NSD3: variants seen among roughly 807,000 people sequenced by gnomAD.
The protein encoded by NSD3 is nuclear receptor binding SET domain protein 3.
In NSD3, 24 loss-of-function variants were observed where a neutral mutation model predicts 160.8. The observed-to-expected ratio is 0.15, with a 90% CI of 0.11 to 0.21. The LOEUF is 0.21. Among genes scored for constraint, NSD3 ranks in the 10% least tolerant of loss-of-function variants. The pLI is 1.00. For missense variants in NSD3, 1,157 were observed against 1,735.9 expected (o/e 0.67, Z 5.93); for synonymous variants, 520 against 600.0 (o/e 0.87, Z 1.95).
chr8:38,332,811 T>TA (rs927686218), intron 4 of NSD3, among the ~76,000 whole-genome samples: 16 of 150,444 alleles, frequency 1.1e-4, no homozygotes, highest in South Asian at 6.3e-4. Context: ...TTGAAAAAAG[T>TA]AAAAAAAAAC....
chr8:38,373,922 ACT>A (rs1196938057), intron 1 of NSD3, among the ~76,000 whole-genome samples: 1 of 134,100 alleles, frequency 7.5e-6, no homozygotes, highest in African/African-American at 2.9e-5. Flanking sequence ...ACTTGGCAAA[ACT>A]CTGTCTCTAC....
chr8:38,270,195 A>G lies in NSD3; in HGVS notation c.*5446T>C, dbSNP rs186317728. On this transcript the variant is annotated 3_prime_UTR_variant, in exon 24 of 24. Transcript: ENST00000317025. ...AACTCAAAAGAGATTGACTTTAGTG[A>G]ATATTGATGCTTTGTTATTAAAGAC... is the stretch of plus-strand genomic sequence containing the variant. 6.6e-6 allele frequency: 1 copy of G among 152,370 alleles called. No individual in the cohort carries two copies. Among genetic ancestry groups the G allele is most frequent in the East Asian group, 1.9e-4 (1 of 5,190 alleles). 9.4% of individuals were successfully genotyped at this position (152,370 alleles called of 1,614,324 possible). A position where few individuals can be genotyped will look rare whatever the true frequency, so the allele number is the denominator to read the frequency against.
At chr8:38,335,031 C>T (rs1451705962) in intron 4 of NSD3, among the ~76,000 whole-genome samples, 1 of 144,562 alleles carries the variant, frequency 6.9e-6, no homozygotes, top group Non-Finnish European at 1.5e-5. Context: ...GTCACCCAGA[C>T]TGGAGTGAAG....
intron 23 of NSD3, 25 bp from the exon 24 acceptor site, chr8:38,275,907 G>A: frequency 6.2e-7 from 1 of 1,602,924 alleles, no homozygotes; most frequent in Non-Finnish European, 8.5e-7. Context: ...TGGGGAGGAA[G>A]AAGGAGAAGT....
rs570039528 is a variant in NSD3, at chr8:38,290,616, G to A, written c.2977C>T (p.His993Tyr). 3.8e-5 allele frequency: 61 copies of A among 1,613,886 alleles called. No individual in the cohort carries two copies. Among genetic ancestry groups the A allele is most frequent in the Non-Finnish European group, 4.7e-5 (55 of 1,179,916 alleles). ...AATACAGGGAAGTCCCCCAAGTCAT[G>A]TTTAAGGCCCTGGATGTTCAGTGGC... ...SVPLNIQGLK[H>Y]DLGDFPVFFF... Residue 993 changes from histidine (H) to tyrosine (Y), a missense_variant, in exon 17 of 24, where the codon CAT becomes TAT. His to Tyr is a moderately conservative substitution (Grantham distance 83, BLOSUM62 2). Around this residue, in one of 10 missense-constraint regions of NSD3, gnomAD observed 437 missense variants for 576.6 expected, o/e 0.76. Transcript: ENST00000317025.
intron 2 of NSD3, among the ~76,000 whole-genome samples, chr8:38,339,724 CAAAA>C (rs1232259132): frequency 9.3e-6 from 1 of 107,226 alleles, no homozygotes; most frequent in Admixed American, 9.9e-5. Flanking sequence ...GACTCCATCT[CAAAA>C]AAAAAAAAAA....
At chr8:38,340,969 C>G (rs1262444540) in intron 2 of NSD3, among the ~76,000 whole-genome samples, 1 of 151,288 alleles carries the variant, frequency 6.6e-6, no homozygotes, top group East Asian at 2.0e-4. Flanking sequence ...TCAAGACCAG[C>G]CTGGGCAACA....
rs144150552 is a variant in NSD3 at position 38,364,710 on chromosome 8, T to G, written c.-44-16495A>C. Among the ~76,000 whole-genome samples, 611 of 152,318 alleles carry G rather than the reference T, an allele frequency of 4.0e-3. 5 individuals are homozygous for G. The highest frequency in any genetic ancestry group is 0.014 in the African/African-American group (581 of 41,560). ...TTTGTGGCTGATTTTCATAAAAATATATAGGGAGAAAGAAAACTTGTAGTA... is the reference window on the plus strand; with the variant it reads ...TTTGTGGCTGATTTTCATAAAAATAGATAGGGAGAAAGAAAACTTGTAGTA... On this transcript the variant is annotated intron_variant, in intron 1 of 23. Transcript: ENST00000317025.
intron 13 of NSD3, 140 bp from the exon 14 acceptor site, chr8:38,304,897 G>A: frequency 1.1e-6 from 1 of 872,616 alleles, no homozygotes; most frequent in Non-Finnish European, 1.7e-6. Flanking sequence ...CCCTAGTCTG[G>A]CTCTGTCATC....
Position 38,347,932 on chromosome 8 carries a change from A to G in NSD3, c.240T>C (p.Tyr80=). 1 of 1,614,260 alleles carries G rather than the reference A, an allele frequency of 6.2e-7. No individual in the cohort carries two copies. Among genetic ancestry groups the G allele is most frequent in the Non-Finnish European group, 8.5e-7 (1 of 1,180,044 alleles). Residue 80 remains tyrosine, a synonymous_variant, in exon 2 of 24, where the codon TAT becomes TAC. Coordinates refer to ENST00000317025, the MANE Select transcript of NSD3 (RefSeq NM_023034.2). Reference sequence around the variant, plus strand: ...ATGACTGGTATTTGGTTTGAGTTTCATACACACTGATTGATGATGGATACC... The same window carrying G: ...ATGACTGGTATTTGGTTTGAGTTTCGTACACACTGATTGATGATGGATACC... The part of the protein sequence containing the change: ...TNGYPSSISV[Y]ETQTKYQSYN...
chr8:38,324,274 T>C (rs1330017546), intron 7 of NSD3, among the ~76,000 whole-genome samples: 1 of 152,188 alleles, frequency 6.6e-6, no homozygotes, highest in African/African-American at 2.4e-5. Flanking sequence ...CCCAATTCCA[T>C]ATTGAAAAAG....
intron 1 of NSD3, among the ~76,000 whole-genome samples, chr8:38,374,884 G>A (rs981264972): frequency 6.6e-6 from 1 of 152,046 alleles, no homozygotes; most frequent in Non-Finnish European, 1.5e-5. Context: ...GGCGCCTGTA[G>A]TCCCAGCTAC....
chr8:38,335,224 G>A (rs187525962), intron 4 of NSD3, among the ~76,000 whole-genome samples: 9 of 152,246 alleles, frequency 5.9e-5, no homozygotes, highest in Admixed American at 2.0e-4. Flanking sequence ...CTAACCTCAG[G>A]TGATCCACCC....
In NSD3 at chr8:38,329,836, C is replaced by A; in HGVS notation, c.1123G>T (p.Ala375Ser). 4 of 1,612,392 alleles carry A rather than the reference C, an allele frequency of 2.5e-6. No individual in the cohort carries two copies. The highest frequency in any genetic ancestry group is 3.4e-6 in the Non-Finnish European group (4 of 1,179,498). ...CGAGTCATTTTCAATGCTTTCTCTG[C>A]ATGGGCAATGCCAATATCCCACTGA... ...RAQWDIGIAHAEKALKMTREE... is the reference protein window; with the variant it reads ...RAQWDIGIAHSEKALKMTREE... Residue 375 changes from alanine (A) to serine (S), a missense_variant, in exon 6 of 24, where the codon GCA (alanine) becomes TCA (serine). Coordinates refer to ENST00000317025, the MANE Select transcript of NSD3 (RefSeq NM_023034.2). The surrounding 1 kb of genome is among the most constrained non-coding windows in gnomAD (Gnocchi z 4.8).
Position 38,355,283 on chromosome 8 carries a change from G to A in NSD3, c.-44-7068C>T, listed in dbSNP as rs566684211. On this transcript the variant is annotated intron_variant, in intron 1 of 23. Coordinates refer to ENST00000317025, the MANE Select transcript of NSD3 (RefSeq NM_023034.2). Reference sequence around the variant, plus strand: ...ATTGTGTACCTTGTACAGGGCTGCCGTAAGAATTAAGAGTTAATCCATGAA... The same window carrying A: ...ATTGTGTACCTTGTACAGGGCTGCCATAAGAATTAAGAGTTAATCCATGAA... Among the ~76,000 whole-genome samples the A allele has an allele frequency of 7.0e-4, 107 of 152,148 alleles. 1 individual carries two copies. The highest frequency in any genetic ancestry group is 3.4e-3 in the Middle Eastern group (1 of 294).
intron 1 of NSD3, among the ~76,000 whole-genome samples, chr8:38,349,665 TTATATA>T (rs71519992): frequency 4.6e-5 from 5 of 109,810 alleles, no homozygotes; most frequent in African/African-American, 1.8e-4. Context: ...ATTTCTTTCT[TTATATA>T]TATATATATA....
At chr8:38,366,298 A>G (rs1413266880) in intron 1 of NSD3, among the ~76,000 whole-genome samples, 6 of 152,126 alleles carry the variant, frequency 3.9e-5, no homozygotes, top group Admixed American at 3.9e-4. Flanking sequence ...GAATTTATTT[A>G]CCATCTAACG....
In NSD3 at chr8:38,271,809, T is replaced by C. The variant is rs1217224156; in HGVS notation, c.*3832A>G. Reference sequence around the variant, plus strand: ...ATGTCAGCTTCCCAGCTGTGAGGGCTCCATAGCCACTGTTTTCTTATCTTG... The same window carrying C: ...ATGTCAGCTTCCCAGCTGTGAGGGCCCCATAGCCACTGTTTTCTTATCTTG... On this transcript the variant is annotated 3_prime_UTR_variant, in exon 24 of 24. Coordinates refer to ENST00000317025, the MANE Select transcript of NSD3 (RefSeq NM_023034.2). 1.3e-5 allele frequency: 2 copies of C among 152,368 alleles called. No individual in the cohort carries two copies. Among genetic ancestry groups the C allele is most frequent in the East Asian group, 3.9e-4 (2 of 5,190 alleles). The allele number at this position is 152,368 out of a possible 1,614,324, so 9.4% of individuals were successfully genotyped here.
rs1483030980 is a variant in NSD3 at position 38,273,945 on chromosome 8, A to G, written c.*1696T>C. 4 of 152,234 alleles carry G rather than the reference A, an allele frequency of 2.6e-5. No individual in the cohort carries two copies. Among genetic ancestry groups the G allele is most frequent in the South Asian group, 2.1e-4 (1 of 4,836 alleles). 9.4% of individuals were successfully genotyped at this position (152,234 alleles called of 1,614,324 possible). On this transcript the variant is annotated 3_prime_UTR_variant, in exon 24 of 24. Transcript: ENST00000317025. Reference sequence around the variant, plus strand: ...AAATCCAGTATAATTGCACATTTACATACAAAAAAAAGAGGCACAAAACAG... The same window carrying G: ...AAATCCAGTATAATTGCACATTTACGTACAAAAAAAAGAGGCACAAAACAG...
Sources: gnomAD v4.1 joint callset for allele counts (sites outside exome capture counted in the v4.1 genomes callset) on GRCh38, gnomAD v4.1.1 for gene constraint, gnomAD v4.1.1 regional missense constraint, Gnocchi (gnomAD v3.1) non-coding constraint, MANE v1.5 for transcripts, NCBI Gene and HGNC (gene_info 2026-07-23, HGNC 2026-07-21) for gene names.